The following GNA15 variants were observed in gnomAD, a reference collection of about 807,000 sequenced individuals.
GNA15 encodes the protein guanine nucleotide-binding protein subunit alpha-15.
GNA15 carries 23 observed loss-of-function variants against 40.1 expected under a neutral mutation model. The ratio of observed to expected loss-of-function variants is 0.57; its 90% CI spans 0.41 to 0.81. The LOEUF (loss-of-function observed/expected upper bound fraction) is 0.81. Ranked by LOEUF, GNA15 falls within the 40% of genes least tolerant of loss-of-function variation. The pLI, the probability that GNA15 is intolerant of heterozygous loss-of-function variation, is 0.00. For missense variants in GNA15, 522 were observed against 515.8 expected (o/e 1.01, Z -0.12); for synonymous variants, 226 against 210.4 (o/e 1.07, Z -0.64).
At chr19:3,139,822 T>A (rs1456281378) in intron 1 of GNA15, among the ~76,000 whole-genome samples, 1 of 151,586 alleles carries the variant, frequency 6.6e-6, no homozygotes, top group Non-Finnish European at 1.5e-5. Context: ...GATCACGAGG[T>A]CAGGAGATGG....
chr19:3,140,586 C>A (rs1460410099), intron 1 of GNA15, among the ~76,000 whole-genome samples: 2 of 152,106 alleles, frequency 1.3e-5, no homozygotes, highest in Non-Finnish European at 2.9e-5. Context: ...TTCTTCCTGG[C>A]CCTCACTATT....
At chr19:3,158,738 T>C (rs11880016) in intron 6 of GNA15, among the ~76,000 whole-genome samples, 26,670 of 151,790 alleles carry the variant, frequency 0.18, 2,512 homozygotes, top group African/African-American at 0.2. Context: ...TCTCCTGCCT[T>C]AGCCTCCCAA....
intron 2 of GNA15, chr19:3,149,876 C>G (rs1914835440): frequency 2.4e-6 from 1 of 420,382 alleles, no homozygotes. Context: ...TCCCCCTGAG[C>G]CTGGGCTCGC....
At chr19:3,159,573 G>A (rs1449885809) in intron 6 of GNA15, among the ~76,000 whole-genome samples, 12 of 151,064 alleles carry the variant, frequency 7.9e-5, no homozygotes, top group African/African-American at 2.4e-5. Context: ...TTGAACTCCC[G>A]ACCTCAGGTG....
intron 1 of GNA15, among the ~76,000 whole-genome samples, chr19:3,138,432 G>A (rs1395333636): frequency 2.0e-5 from 3 of 152,172 alleles, no homozygotes; most frequent in Non-Finnish European, 4.4e-5. Flanking sequence ...GCTGGAGAAG[G>A]TCTCAAGTCT....
chr19:3,163,103 ATCTC>A lies in GNA15; in HGVS notation c.*87_*90del. Reference sequence around the variant, plus strand: ...CAGGGACCCCTAGTGTCCCTGGTCTATCTCTCCAGCCTCGGCCCACACGCAAGGG... The same window carrying A: ...CAGGGACCCCTAGTGTCCCTGGTCTATCCAGCCTCGGCCCACACGCAAGGG... On this transcript the variant is annotated 3_prime_UTR_variant, in exon 7 of 7. Coordinates refer to ENST00000262958, the MANE Select transcript of GNA15 (RefSeq NM_002068.4). The A allele has an allele frequency of 1.2e-6, 1 of 859,504 alleles. No homozygotes were observed. Among genetic ancestry groups the A allele is most frequent in the East Asian group, 2.5e-5 (1 of 39,562 alleles). The allele number at this position is 859,504 out of a possible 1,614,324, so 53.2% of individuals were successfully genotyped here.
rs774341405 is a variant in GNA15 at position 3,155,840 on chromosome 19, G to T, written c.632G>T (p.Gly211Val). 2 of 1,613,536 alleles carry T rather than the reference G, an allele frequency of 1.2e-6. No homozygotes were observed. The highest frequency in any genetic ancestry group is 3.3e-5 in the Admixed American group (2 of 59,996). The change falls in exon 5 of 7, where the codon GGC (glycine) becomes GTC (valine). Residue 211 changes from glycine to valine, a missense_variant. Transcript: ENST00000262958. The surrounding 1 kb of genome is among the most constrained non-coding windows in gnomAD (Gnocchi z 5.6). ...KTNLRIVDVG[G>V]QKSERKKWIH... The stretch of plus-strand genomic sequence containing the variant: ...CCCTGTAGGATCGTGGACGTCGGGG[G>T]CCAGAAGTCAGAGCGTAAGAAATGG...
rs143682814 is a variant in GNA15 at position 3,149,114 on chromosome 19, C to T, written c.330+339C>T. On this transcript the variant is annotated intron_variant, in intron 2 of 6. Coordinates refer to ENST00000262958, the MANE Select transcript of GNA15 (RefSeq NM_002068.4). ...ACACATACACAAATGAATGCACACA[C>T]GTGCACACGTGTGCACACACACAAA... 2.7e-3 allele frequency: 763 copies of T among 285,346 alleles called. 5 individuals are homozygous for T. Among genetic ancestry groups the T allele is most frequent in the African/African-American group, 0.015 (710 of 46,170 alleles). The allele number at this position is 285,346 out of a possible 1,614,324, so 17.7% of individuals were successfully genotyped here.
At chr19:3,139,286 C>T (rs1369757461) in intron 1 of GNA15, among the ~76,000 whole-genome samples, 2 of 151,928 alleles carry the variant, frequency 1.3e-5, no homozygotes, top group Non-Finnish European at 2.9e-5. Flanking sequence ...TCTTACTGAA[C>T]GAGATAAAAG....
At chr19:3,156,449 C>T (rs1915027589) in intron 5 of GNA15, among the ~76,000 whole-genome samples, 1 of 150,032 alleles carries the variant, frequency 6.7e-6, no homozygotes, top group African/African-American at 2.5e-5. Flanking sequence ...ACAGTACACA[C>T]ATGCACACGC....
chr19:3,154,162 G>GGGAT (rs148392439), intron 4 of GNA15, among the ~76,000 whole-genome samples: 26,259 of 137,954 alleles, frequency 0.19, 2,938 homozygotes, highest in Non-Finnish European at 0.24. Context: ...ATGGATGGGT[G>GGGAT]GGATGGATGG....
intron 5 of GNA15, 113 bp from the exon 6 acceptor site, chr19:3,157,615 C>T: frequency 1.2e-6 from 1 of 854,830 alleles, no homozygotes; most frequent in Middle Eastern, 3.1e-4. Flanking sequence ...CCCAGCCAGG[C>T]AGATAGGGGT....
chr19:3,149,240 CACAA>C (rs1454930956), intron 2 of GNA15: 14 of 166,196 alleles, frequency 8.4e-5, no homozygotes, highest in Admixed American at 2.4e-4. Context: ...TGTACACACT[CACAA>C]ACACACACAA....
chr19:3,145,881 A>G (rs1914710667), intron 1 of GNA15, among the ~76,000 whole-genome samples: 1 of 151,540 alleles, frequency 6.6e-6, no homozygotes, highest in African/African-American at 2.4e-5. Flanking sequence ...TGAGCCAAAT[A>G]GACATGACCC....
In GNA15 at chr19:3,151,732, A is replaced by T; in HGVS notation, c.511A>T (p.Thr171Ser). 1 of 1,607,566 alleles carries T rather than the reference A, an allele frequency of 6.2e-7. No individual in the cohort carries two copies. The highest frequency in any genetic ancestry group is 8.5e-7 in the Non-Finnish European group (1 of 1,177,304). ...CTACCTGTCCCACCTGGAGCGCATC[A>T]CCGAGGAGGGCTACGTCCCCACAGC... ...VYYLSHLERITEEGYVPTAQD... is the reference protein window; with the variant it reads ...VYYLSHLERISEEGYVPTAQD... The change falls in exon 4 of 7, where the codon ACC becomes TCC. Residue 171 changes from threonine (T) to serine (S), a missense_variant. Coordinates refer to ENST00000262958, the MANE Select transcript of GNA15 (RefSeq NM_002068.4). The surrounding 1 kb of genome is among the most constrained non-coding windows in gnomAD (Gnocchi z 5.0).
chr19:3,144,661 T>G (rs1711263287), intron 1 of GNA15, among the ~76,000 whole-genome samples: 1 of 150,900 alleles, frequency 6.6e-6, no homozygotes, highest in Non-Finnish European at 1.5e-5. Context: ...CCCAAGTAGC[T>G]GGAACTACAG....
intron 1 of GNA15, among the ~76,000 whole-genome samples, chr19:3,147,177 C>G (rs946872861): frequency 6.6e-6 from 1 of 152,170 alleles, no homozygotes; most frequent in Admixed American, 6.5e-5. Flanking sequence ...CCCTATTTAT[C>G]CTATGTTATT....
intron 1 of GNA15, among the ~76,000 whole-genome samples, chr19:3,143,430 T>C (rs946746716): frequency 1.3e-5 from 2 of 152,050 alleles, no homozygotes; most frequent in African/African-American, 4.8e-5. Context: ...GGCAAGTGGA[T>C]CCCTTGAGGC....
intron 5 of GNA15, among the ~76,000 whole-genome samples, chr19:3,156,443 TAC>T (rs574856661): frequency 9.2e-4 from 132 of 143,432 alleles, no homozygotes; most frequent in Middle Eastern, 4.0e-3. Context: ...ACACACACAG[TAC>T]ACACATGCAC....
Sources: gnomAD v4.1 joint callset for allele counts (sites outside exome capture counted in the v4.1 genomes callset) on GRCh38, gnomAD v4.1.1 for gene constraint, Gnocchi (gnomAD v3.1) non-coding constraint, MANE v1.5 for transcripts, NCBI Gene and HGNC (gene_info 2026-07-23, HGNC 2026-07-21) for gene names.